Variants in RAD51 observed in about 807,000 individuals in gnomAD.
The protein encoded by RAD51 is RAD51 recombinase.
In RAD51, 14 loss-of-function variants were observed where a neutral mutation model predicts 41.5. The ratio of observed to expected loss-of-function variants is 0.34; its 90% CI spans 0.22 to 0.53. The LOEUF (loss-of-function observed/expected upper bound fraction) is 0.53. RAD51 is among the 20% of genes least tolerant of loss of function. The pLI, the probability that RAD51 is intolerant of heterozygous loss-of-function variation, is 0.95. For missense variants in RAD51, 234 were observed against 422.0 expected, an observed-to-expected ratio of 0.55 and a Z score of 3.90; for synonymous variants, 136 against 148.6, an observed-to-expected ratio of 0.92 and a Z score of 0.62.
At chr15:40,710,269 A>AGAG (rs796077446) in intron 5 of RAD51, among the ~76,000 whole-genome samples, 1 of 104,362 alleles carries the variant, frequency 9.6e-6, no homozygotes, top group African/African-American at 4.3e-5. Flanking sequence ...AAAAAAAAAA[A>AGAG]AGAAGAAGAA....
chr15:40,724,670 A>ATTTGTTTTTTTTTTTTTTTTTT (rs757564729), intron 6 of RAD51, among the ~76,000 whole-genome samples: 2 of 72,028 alleles, frequency 2.8e-5, no homozygotes, highest in Non-Finnish European at 5.7e-5. Flanking sequence ...TAATTTTTTT[A>ATTTGTTTTTTTTTTTTTTTTTT]TTTCTTTTTT....
At position 40,729,538 on chromosome 15, in the gene RAD51, C is replaced by G. The variant is rs1804269; in HGVS notation, c.678C>G (p.Ala226=). 3 of 1,613,976 alleles carry G rather than the reference C, an allele frequency of 1.9e-6. No individual in the cohort carries two copies. Among genetic ancestry groups the G allele is most frequent in the Non-Finnish European group, 2.5e-6 (3 of 1,179,986 alleles). Residue 226 remains alanine, a synonymous_variant, in exon 8 of 10, where the codon GCC becomes GCG. Transcript: ENST00000267868. The part of the protein sequence containing the change: ...YALLIVDSAT[A]LYRTDYSGRG... Reference sequence around the variant, plus strand: ...TGCTTATTGTAGACAGTGCCACCGCCCTTTACAGAACAGACTACTCGGGTC... The same window carrying G: ...TGCTTATTGTAGACAGTGCCACCGCGCTTTACAGAACAGACTACTCGGGTC...
chr15:40,730,908 A>G, intron 9 of RAD51, 147 bp from the exon 10 acceptor site: 1 of 1,029,680 alleles, frequency 9.7e-7, no homozygotes, highest in Non-Finnish European at 1.4e-6. Flanking sequence ...CAGGTTGGAA[A>G]TGCACTAAGG....
intron 3 of RAD51, chr15:40,701,873 T>C (rs1416011536): frequency 1.0e-5 from 4 of 381,436 alleles, no homozygotes; most frequent in African/African-American, 9.1e-5. Context: ...ACCCTCCGCC[T>C]CTCAGGTTCA....
At chr15:40,715,798 A>G (rs1463407027) in intron 5 of RAD51, among the ~76,000 whole-genome samples, 1 of 152,222 alleles carries the variant, frequency 6.6e-6, no homozygotes, top group African/African-American at 2.4e-5. Flanking sequence ...ATCCCCTGTC[A>G]TGTTAGCACT....
intron 5 of RAD51, among the ~76,000 whole-genome samples, chr15:40,715,609 A>T (rs982797404): frequency 6.6e-6 from 1 of 152,212 alleles, no homozygotes; most frequent in Non-Finnish European, 1.5e-5. Context: ...GAAGATGGCT[A>T]TGATGGCACT....
chr15:40,700,412 C>T (rs1161465633), intron 2 of RAD51, among the ~76,000 whole-genome samples: 1 of 152,184 alleles, frequency 6.6e-6, no homozygotes, highest in East Asian at 1.9e-4. Flanking sequence ...TCTTTATATT[C>T]TGAGCAGCCT....
At chr15:40,713,284 G>A (rs60223077) in intron 5 of RAD51, among the ~76,000 whole-genome samples, 13 of 138,408 alleles carry the variant, frequency 9.4e-5, no homozygotes, top group African/African-American at 1.1e-4. Flanking sequence ...AGTCTCTGTC[G>A]CCTAGGCAGG....
chr15:40,728,953 G>C, intron 7 of RAD51, 129 bp downstream of exon 7: 1 of 810,038 alleles, frequency 1.2e-6, no homozygotes, highest in Non-Finnish European at 2.1e-6. Context: ...TTCCTGTGTT[G>C]ACACTCTTGC....
chr15:40,704,264 C>A (rs1324539417), intron 3 of RAD51, among the ~76,000 whole-genome samples: 1 of 151,370 alleles, frequency 6.6e-6, no homozygotes, highest in Non-Finnish European at 1.5e-5. Flanking sequence ...CAGGGTTTCA[C>A]CGTGTTAGCC....
At chr15:40,719,040 T>C (rs1043878103) in intron 6 of RAD51, 141 bp downstream of exon 6, 1 of 775,402 alleles carries the variant, frequency 1.3e-6, no homozygotes, top group Non-Finnish European at 2.2e-6. Context: ...ATGACTTCCT[T>C]AGTAGAAAAA....
Position 40,706,173 on chromosome 15 carries a change from C to G in RAD51, c.226-4C>G, listed in dbSNP as rs758823122. 1 of 1,608,436 alleles carries G rather than the reference C, an allele frequency of 6.2e-7. No homozygotes were observed. Among genetic ancestry groups the G allele is most frequent in the Non-Finnish European group, 8.5e-7 (1 of 1,175,234 alleles). ...GTTGATTTAATATTTCTTATTTTTC[C>G]CAGGCTGAGGCAGCTAAATTAGTTC... On this transcript the variant is annotated splice_region_variant and splice_polypyrimidine_tract_variant and intron_variant, in intron 3 of 9. Transcript: ENST00000267868.
At chr15:40,721,211 T>C (rs1043478391) in intron 6 of RAD51, among the ~76,000 whole-genome samples, 3 of 152,138 alleles carry the variant, frequency 2.0e-5, no homozygotes, top group Admixed American at 6.6e-5. Context: ...TCAGATTTTA[T>C]CTATAGATTC....
Position 40,701,201 on chromosome 15 carries a change from G to A in RAD51, c.225G>A (p.Leu75=), listed in dbSNP as rs1567038406. Residue 75 remains leucine (L), a splice_region_variant and synonymous_variant, in exon 3 of 10, where the codon CTG becomes CTA. Coordinates refer to ENST00000267868, the MANE Select transcript of RAD51 (RefSeq NM_002875.5). ...GTGAAGCCAAAGCTGATAAAATTCT[G>A]GTAAGTACTGCTTACTTAACCTAGG... is the stretch of plus-strand genomic sequence containing the variant. ...GISEAKADKI[L]AEAAKLVPMG... is the part of the protein sequence containing the mutation. 4 of 1,613,988 alleles carry A rather than the reference G, an allele frequency of 2.5e-6. No homozygotes were observed. The highest frequency in any genetic ancestry group is 3.4e-6 in the Non-Finnish European group (4 of 1,179,964).
In RAD51 at chr15:40,709,097, C is replaced by T. The variant is rs148345609; in HGVS notation, c.416C>T (p.Thr139Met). 2.3e-4 allele frequency: 365 copies of T among 1,613,604 alleles called. No homozygotes were observed. Among genetic ancestry groups the T allele is most frequent in the Non-Finnish European group, 2.6e-4 (307 of 1,179,636 alleles). Reference protein sequence around the residue: ...FRTGKTQICHTLAVTCQLPID... With the variant: ...FRTGKTQICHMLAVTCQLPID... ...ACTGGGAAGACCCAGATCTGTCATA[C>T]GCTAGCTGTCACCTGCCAGGTGAGC... Residue 139 changes from threonine to methionine, a missense_variant, in exon 5 of 10, where the codon ACG becomes ATG. Thr to Met is a moderately conservative substitution (Grantham distance 81). This residue lies in a region of RAD51 where 134 missense variants were observed against 286.5 expected (regional missense o/e 0.47). Transcript: ENST00000267868.
rs1896863553 is a variant in RAD51 at position 40,731,245 on chromosome 15, G to A, written c.*67G>A. On this transcript the variant is annotated 3_prime_UTR_variant, in exon 10 of 10. Transcript: ENST00000267868. ...GCCTAATGAGAGTGCACTGCTCCCT[G>A]GGGTTCTCTACAGGCCTCTTCCTGT... 39 of 1,604,196 alleles carry A rather than the reference G, an allele frequency of 2.4e-5. No homozygotes were observed. Among genetic ancestry groups the A allele is most frequent in the Non-Finnish European group, 3.3e-5 (39 of 1,172,026 alleles).
intron 2 of RAD51, among the ~76,000 whole-genome samples, chr15:40,700,694 C>T (rs1482366629): frequency 6.6e-6 from 1 of 152,146 alleles, no homozygotes; most frequent in Admixed American, 6.6e-5. Flanking sequence ...ATATAGGGCT[C>T]ATTTTTCAGC....
intron 3 of RAD51, among the ~76,000 whole-genome samples, chr15:40,704,093 G>T (rs1327704615): frequency 2.0e-5 from 3 of 151,548 alleles, no homozygotes; most frequent in Non-Finnish European, 4.4e-5. Context: ...TTTTATTTTT[G>T]AGACGGAGTC....
At chr15:40,698,915 T>C in intron 2 of RAD51, 70 bp downstream of exon 2, 2 of 1,463,626 alleles carry the variant, frequency 1.4e-6, no homozygotes, top group South Asian at 2.3e-5. Context: ...TATTACAACC[T>C]TTACATAAAA....
Sources: allele counts gnomAD v4.1 joint callset (sites outside exome capture counted in the v4.1 genomes callset), GRCh38; gene constraint gnomAD v4.1.1; regional missense constraint gnomAD v4.1.1; transcripts MANE v1.5; gene names NCBI Gene and HGNC (gene_info 2026-07-23, HGNC 2026-07-21).